PTPRD: variants seen among roughly 807,000 people sequenced by gnomAD.
The protein encoded by PTPRD is receptor-type tyrosine-protein phosphatase delta.
A neutral mutation model predicts 214.5 loss-of-function variants in PTPRD; 34 were observed. The ratio of observed to expected loss-of-function variants is 0.16; its 90% CI spans 0.12 to 0.21. The LOEUF (loss-of-function observed/expected upper bound fraction) is 0.21, where lower values mean the gene tolerates loss of function less well. Among genes scored for constraint, PTPRD ranks in the 10% least tolerant of loss-of-function variants. PTPRD has a pLI of 1.00. For synonymous variants in PTPRD, 1,128 were observed against 845.7 expected (o/e 1.33, Z -5.79); for missense variants, 2,545 against 2,398.7 (o/e 1.06, Z -1.27).
intron 8 of PTPRD, among the ~76,000 whole-genome samples, chr9:9,551,515 GTATC>G (rs1339562915): frequency 6.6e-6 from 1 of 151,848 alleles, no homozygotes; most frequent in African/African-American, 2.4e-5. Flanking sequence ...AATTCACTCT[GTATC>G]TACCTACTGG....
chr9:8,449,218 T>A (rs937146048), intron 34 of PTPRD, among the ~76,000 whole-genome samples: 1 of 152,186 alleles, frequency 6.6e-6, no homozygotes, highest in African/African-American at 2.4e-5. Context: ...TTAGTATAGG[T>A]AATATTTAAA....
intron 11 of PTPRD, among the ~76,000 whole-genome samples, chr9:8,758,606 T>G (rs1472181782): frequency 6.6e-6 from 1 of 152,104 alleles, no homozygotes; most frequent in African/African-American, 2.4e-5. Flanking sequence ...GACTAAGAAC[T>G]CATACTTTAC....
At chr9:8,919,919 T>C (rs1015845602) in intron 11 of PTPRD, among the ~76,000 whole-genome samples, 2 of 124,056 alleles carry the variant, frequency 1.6e-5, no homozygotes, top group African/African-American at 2.5e-5. Context: ...CATAAGTGGA[T>C]GCATGTGCAT....
intron 3 of PTPRD, among the ~76,000 whole-genome samples, chr9:10,316,037 G>A (rs1047754981): frequency 1.3e-5 from 2 of 151,126 alleles, no homozygotes; most frequent in Admixed American, 1.3e-4. Flanking sequence ...GCTGAACATA[G>A]TATTTTGGGT....
intron 2 of PTPRD, among the ~76,000 whole-genome samples, chr9:10,556,483 C>T (rs906173232): frequency 6.6e-6 from 1 of 151,896 alleles, no homozygotes; most frequent in African/African-American, 2.4e-5. Flanking sequence ...ATTTAAAATG[C>T]AAGGAAAAAC....
intron 4 of PTPRD, among the ~76,000 whole-genome samples, chr9:9,952,497 G>C (rs1278369491): frequency 6.6e-6 from 1 of 152,102 alleles, no homozygotes; most frequent in Non-Finnish European, 1.5e-5. Context: ...TAAGCAGAAG[G>C]CCAACATCGT....
chr9:9,497,082 T>A (rs1340024499), intron 8 of PTPRD, among the ~76,000 whole-genome samples: 1 of 151,674 alleles, frequency 6.6e-6, no homozygotes, highest in Non-Finnish European at 1.5e-5. Flanking sequence ...TGTTGAGGGG[T>A]GTTTGGGGAG....
chr9:8,786,708 C>T (rs930505508), intron 11 of PTPRD, among the ~76,000 whole-genome samples: 2 of 151,462 alleles, frequency 1.3e-5, no homozygotes, highest in Non-Finnish European at 2.9e-5. Flanking sequence ...AGCCATCACA[C>T]CCAGTCAAAC....
At chr9:9,651,341 A>T (rs1205527814) in intron 7 of PTPRD, among the ~76,000 whole-genome samples, 1 of 152,126 alleles carries the variant, frequency 6.6e-6, no homozygotes, top group Non-Finnish European at 1.5e-5. Flanking sequence ...TTCACTACCC[A>T]GTTATTAAGT....
chr9:10,226,027 A>G (rs2099587744), intron 3 of PTPRD, among the ~76,000 whole-genome samples: 1 of 152,054 alleles, frequency 6.6e-6, no homozygotes, highest in Non-Finnish European at 1.5e-5. Flanking sequence ...CATAATTTCC[A>G]TTCAAGGCCT....
At chr9:9,036,306 A>G (rs890569274) in intron 10 of PTPRD, among the ~76,000 whole-genome samples, 4 of 152,076 alleles carry the variant, frequency 2.6e-5, no homozygotes, top group Admixed American at 6.6e-5. Flanking sequence ...TTCTAAGTAG[A>G]GGAAGAATTT....
intron 9 of PTPRD, among the ~76,000 whole-genome samples, chr9:9,204,055 G>A (rs1291796284): frequency 6.6e-6 from 1 of 152,100 alleles, no homozygotes; most frequent in Admixed American, 6.6e-5. Context: ...CTGCCTTTCT[G>A]GGTCAACTTA....
At chr9:8,758,739 G>A (rs1371073413) in intron 11 of PTPRD, among the ~76,000 whole-genome samples, 1 of 151,412 alleles carries the variant, frequency 6.6e-6, no homozygotes, top group Non-Finnish European at 1.5e-5. Context: ...GAGGAGGAAA[G>A]AACGAGATAT....
At chr9:8,912,303 A>C (rs1233851859) in intron 11 of PTPRD, among the ~76,000 whole-genome samples, 1 of 152,230 alleles carries the variant, frequency 6.6e-6, no homozygotes, top group Non-Finnish European at 1.5e-5. Context: ...TATACTTGGA[A>C]TGGAGTAATA....
chr9:8,328,108 A>G (rs1356600112), intron 44 of PTPRD, among the ~76,000 whole-genome samples: 2 of 152,168 alleles, frequency 1.3e-5, no homozygotes, highest in East Asian at 3.9e-4. Flanking sequence ...GTTTCTTCCC[A>G]GCATCGATGG....
chr9:10,469,612 G>T (rs1044215237), intron 2 of PTPRD, among the ~76,000 whole-genome samples: 3 of 152,096 alleles, frequency 2.0e-5, no homozygotes, highest in South Asian at 2.1e-4. Context: ...CTTCCTCAAA[G>T]AACTAAAAAT....
chr9:8,903,913 T>C (rs1441489221), intron 11 of PTPRD, among the ~76,000 whole-genome samples: 3 of 152,194 alleles, frequency 2.0e-5, no homozygotes, highest in Non-Finnish European at 2.9e-5. Context: ...TTTTGAAAAA[T>C]GGCTCAAGGC....
intron 2 of PTPRD, among the ~76,000 whole-genome samples, chr9:10,436,920 T>C (rs1210227162): frequency 2.6e-5 from 4 of 151,756 alleles, no homozygotes; most frequent in Non-Finnish European, 4.4e-5. Context: ...GTACTAAATG[T>C]AGATGCAAGA....
intron 7 of PTPRD, among the ~76,000 whole-genome samples, chr9:9,701,354 T>C (rs9657638): frequency 0.51 from 77,192 of 152,020 alleles, 20,081 homozygotes; most frequent in East Asian, 0.74. Flanking sequence ...AAAAAAGTTA[T>C]GCTAATAATT....
Sources: allele counts gnomAD v4.1 joint callset (sites outside exome capture counted in the v4.1 genomes callset), GRCh38; gene constraint gnomAD v4.1.1; transcripts MANE v1.5; gene names NCBI Gene and HGNC (gene_info 2026-07-23, HGNC 2026-07-21).